The following MYO5A variants were observed in gnomAD, a reference collection of about 807,000 sequenced individuals.
The protein encoded by MYO5A is myosin VA.
In MYO5A, 98 loss-of-function variants were observed where a neutral mutation model predicts 249.7. That is an observed-to-expected ratio of 0.39 (90% CI 0.33 to 0.46). MYO5A has a LOEUF of 0.46. Among genes scored for constraint, MYO5A ranks in the 20% least tolerant of loss-of-function variants. The probability of loss-of-function intolerance (pLI) is 0.98; values close to 1 mark genes in which losing one functional copy is unlikely to be tolerated. For synonymous variants in MYO5A, 778 were observed against 810.6 expected, an observed-to-expected ratio of 0.96 and a Z score of 0.68; for missense variants, 1,696 against 2,308.8, an observed-to-expected ratio of 0.73 and a Z score of 5.44.
At chr15:52,367,614 T>A (rs182165778) in intron 22 of MYO5A, among the ~76,000 whole-genome samples, 250 of 152,202 alleles carry the variant, frequency 1.6e-3, no homozygotes, top group Middle Eastern at 6.8e-3. Context: ...AGTGGGGAGA[T>A]TAAGGAGGTT....
intron 40 of MYO5A, among the ~76,000 whole-genome samples, chr15:52,316,293 C>T (rs535520054): frequency 9.3e-5 from 14 of 150,704 alleles, no homozygotes; most frequent in South Asian, 2.1e-4. Flanking sequence ...AGAAAATAAC[C>T]GGGCAAAAGA....
chr15:52,472,606 T>C (rs956439760), intron 1 of MYO5A, among the ~76,000 whole-genome samples: 2 of 152,140 alleles, frequency 1.3e-5, no homozygotes, highest in African/African-American at 4.8e-5. Flanking sequence ...TGTGTTCTCA[T>C]TGTTCAGTTC....
intron 21 of MYO5A, among the ~76,000 whole-genome samples, chr15:52,370,726 G>A (rs952617069): frequency 6.6e-6 from 1 of 152,136 alleles, no homozygotes; most frequent in African/African-American, 2.4e-5. Flanking sequence ...TCAGAAATAG[G>A]AGGATCTATA....
In MYO5A at chr15:52,323,408, G is replaced by C. The variant is rs1212204285; in HGVS notation, c.4747C>G (p.Leu1583Val). ...GDDFETVSFWLSNTCRFLHCL... is the reference protein window; with the variant it reads ...GDDFETVSFWVSNTCRFLHCL... ...TGCAAAAATCGGCATGTGTTAGAGA[G>C]CCAGAAGGAGACGGTTTCAAAATCA... is the stretch of plus-strand genomic sequence containing the variant. Residue 1583 changes from leucine (L) to valine (V), a missense_variant, in exon 37 of 42, where the codon CTC (leucine) becomes GTC (valine). Transcript: ENST00000399233. The C allele has an allele frequency of 6.2e-7, 1 of 1,613,720 alleles. No homozygotes were observed. The highest frequency in any genetic ancestry group is 1.7e-5 in the Admixed American group (1 of 60,012).
intron 18 of MYO5A, among the ~76,000 whole-genome samples, chr15:52,378,039 T>C (rs1191731385): frequency 1.3e-5 from 2 of 152,152 alleles, no homozygotes; most frequent in Non-Finnish European, 2.9e-5. Context: ...GAAACCTAGC[T>C]AGAAAAGTGG....
Position 52,461,894 on chromosome 15 carries a change from G to C in MYO5A, c.28-28609C>G, listed in dbSNP as rs535082448. ...GAGAATTGCTTGAACCTGGAAGGCA[G>C]AGGTTGTGGTGAGCTGAGATCGCGC... is the stretch of plus-strand genomic sequence containing the variant. On this transcript the variant is annotated intron_variant, in intron 1 of 41. Transcript: ENST00000399233. Among the ~76,000 whole-genome samples the C allele has an allele frequency of 2.0e-5, 3 of 151,386 alleles. No individual in the cohort carries two copies. In the South Asian group the frequency reaches 6.3e-4, roughly 32 times the overall value.
chr15:52,457,587 T>A (rs1228365113), intron 1 of MYO5A, among the ~76,000 whole-genome samples: 2 of 152,120 alleles, frequency 1.3e-5, no homozygotes, highest in Admixed American at 1.3e-4. Flanking sequence ...TAGAATGACT[T>A]TTATCAAAAA....
intron 10 of MYO5A, 140 bp from the exon 11 acceptor site, chr15:52,396,537 A>C (rs2042493395): frequency 3.2e-6 from 2 of 621,674 alleles, no homozygotes; most frequent in Non-Finnish European, 5.7e-6. Flanking sequence ...CAGTGAAAAT[A>C]AAGATTTCTA....
chr15:52,407,500 G>C, intron 7 of MYO5A, 101 bp from the exon 8 acceptor site: 4 of 735,668 alleles, frequency 5.4e-6, no homozygotes, highest in Non-Finnish European at 9.6e-6. Context: ...ACAGTTGAGT[G>C]TACAGCATCT....
chr15:52,504,423 G>T (rs982061054), intron 1 of MYO5A, among the ~76,000 whole-genome samples: 11 of 152,136 alleles, frequency 7.2e-5, no homozygotes, highest in Non-Finnish European at 1.5e-5. Context: ...CCCATGTTTT[G>T]CAATGTCCAA....
chr15:52,407,486 T>C (rs1408583804), intron 7 of MYO5A, 87 bp from the exon 8 acceptor site: 11 of 874,358 alleles, frequency 1.3e-5, no homozygotes, highest in African/African-American at 5.0e-5. Context: ...GAGGTGGTGA[T>C]AGCACAGTTG....
intron 1 of MYO5A, among the ~76,000 whole-genome samples, chr15:52,516,750 C>A (rs2077504386): frequency 1.3e-5 from 2 of 152,310 alleles, no homozygotes; most frequent in South Asian, 4.1e-4. Context: ...TCTCAACTGT[C>A]CCCGAAAGCA....
rs747860666 is a variant in MYO5A at position 52,343,239 on chromosome 15, A to C, written c.3960-42T>G. ...ACAACAATGCAAAACACAAAAGGAT[A>C]CAGGATGCTGATGAGGTGACGATGG... On this transcript the variant is annotated intron_variant, in intron 30 of 41. Coordinates refer to ENST00000399233, the MANE Select transcript of MYO5A (RefSeq NM_001382347.1). 4.6e-6 allele frequency: 7 copies of C among 1,522,796 alleles called. No individual in the cohort carries two copies. The Admixed American group carries it at 8.3e-5, about 18-fold the overall frequency. The allele number at this position is 1,522,796 out of a possible 1,614,324, so 94.3% of individuals were successfully genotyped here. A position where few individuals can be genotyped will look rare whatever the true frequency, so the allele number is the denominator to read the frequency against.
chr15:52,317,787 G>A (rs2038096635), intron 39 of MYO5A, among the ~76,000 whole-genome samples: 1 of 152,214 alleles, frequency 6.6e-6, no homozygotes, highest in Admixed American at 6.5e-5. Context: ...GCCACTGGAA[G>A]AGACAAAGAC....
Position 52,351,451 on chromosome 15 carries a change from G to A in MYO5A, c.3652C>T (p.Leu1218=), listed in dbSNP as rs754983779. 24 of 1,614,040 alleles carry A rather than the reference G, an allele frequency of 1.5e-5. No homozygotes were observed. Among genetic ancestry groups the A allele is most frequent in the South Asian group, 2.2e-5 (2 of 91,086 alleles). The change falls in exon 28 of 42, where the codon CTG becomes TTG. Residue 1218 remains leucine (L), a synonymous_variant. Transcript: ENST00000399233. ...RQELESENKK[L]KNELNELRKA... ...CGCAACTCATTTAGCTCATTCTTCA[G>A]TTTTTTGTTTTCTGATTCTAGTTCT...
At chr15:52,431,433 G>T (rs1724624) in intron 2 of MYO5A, among the ~76,000 whole-genome samples, 47,767 of 151,510 alleles carry the variant, frequency 0.32, 9,800 homozygotes, top group East Asian at 0.66. Flanking sequence ...TAGACATAAA[G>T]TAAGTATAGA....
intron 5 of MYO5A, among the ~76,000 whole-genome samples, 189 bp from the exon 6 acceptor site, chr15:52,410,665 C>A (rs2043208402): frequency 6.6e-6 from 1 of 151,212 alleles, no homozygotes; most frequent in Non-Finnish European, 1.5e-5. Flanking sequence ...CGGCTCCCTG[C>A]AACCTCCGCC....
chr15:52,400,346 G>T (rs966998329), intron 9 of MYO5A, among the ~76,000 whole-genome samples: 1 of 152,000 alleles, frequency 6.6e-6, no homozygotes, highest in Non-Finnish European at 1.5e-5. Flanking sequence ...TAGGGGACTG[G>T]AGATTCATTT....
chr15:52,500,973 A>G (rs1400725917), intron 1 of MYO5A, among the ~76,000 whole-genome samples: 1 of 151,816 alleles, frequency 6.6e-6, no homozygotes, highest in African/African-American at 2.4e-5. Context: ...CAAAATCAGA[A>G]AACTTTTTTT....
Sources: allele counts gnomAD v4.1 joint callset (sites outside exome capture counted in the v4.1 genomes callset), GRCh38; gene constraint gnomAD v4.1.1; transcripts MANE v1.5; gene names NCBI Gene and HGNC (gene_info 2026-07-23, HGNC 2026-07-21).